The following KIF24 variants were observed in gnomAD, a reference collection of about 807,000 sequenced individuals.
The protein encoded by KIF24 is kinesin family member 24, also known as kinesin-like protein KIF24.
In KIF24, 81 loss-of-function variants were observed where a neutral mutation model predicts 118.9. The observed-to-expected ratio is 0.68, with a 90% CI of 0.57 to 0.82. The LOEUF (loss-of-function observed/expected upper bound fraction) is 0.82. Ranked by LOEUF, KIF24 falls within the 40% of genes least tolerant of loss-of-function variation. KIF24 has a pLI of 0.00. For missense variants in KIF24, 1,560 were observed against 1,661.6 expected, an observed-to-expected ratio of 0.94 and a Z score of 1.06; for synonymous variants, 599 against 610.0, an observed-to-expected ratio of 0.98 and a Z score of 0.27.
chr9:34,317,003 TCAGGAGTTCAAGAC>T (rs1837350305), intron 1 of KIF24, among the ~76,000 whole-genome samples: 1 of 151,702 alleles, frequency 6.6e-6, no homozygotes. Flanking sequence ...TCATCTGAGG[TCAGGAGTTCAAGAC>T]CAGCCTGGCC....
chr9:34,254,846 G>A lies in KIF24; in HGVS notation c.3966+226C>T, dbSNP rs536618633. 5.9e-5 allele frequency among the ~76,000 whole-genome samples: 9 copies of A among 152,272 alleles called. No individual in the cohort carries two copies. The South Asian group carries it at 1.9e-3, about 32-fold the overall frequency. The stretch of plus-strand genomic sequence containing the variant: ...GGCAGAGCAGCTGAGGATAGAGGCT[G>A]GAAACATTTTAGCCTGGAAAAGGCG... On this transcript the variant is annotated intron_variant, in intron 12 of 12. Transcript: ENST00000402558.
intron 8 of KIF24, among the ~76,000 whole-genome samples, chr9:34,265,307 T>C (rs1390282469): frequency 6.6e-6 from 1 of 152,106 alleles, no homozygotes; most frequent in Non-Finnish European, 1.5e-5. Context: ...TAGCTTGGGT[T>C]ACAGGTGCGC....
intron 1 of KIF24, chr9:34,319,115 C>A: frequency 7.0e-7 from 1 of 1,428,668 alleles, no homozygotes; most frequent in Admixed American, 1.7e-5. Flanking sequence ...CATGGTGATG[C>A]ACCAGACAGG....
rs553493999 is a variant in KIF24, at chr9:34,318,524, G to A, written c.-25-7153C>T. On this transcript the variant is annotated intron_variant, in intron 1 of 12. Coordinates refer to ENST00000402558, the MANE Select transcript of KIF24 (RefSeq NM_194313.4). The surrounding 1 kb of genome is among the most constrained non-coding windows in gnomAD (Gnocchi z 4.9). ...CGCAGAGAAGCTGAGCCCCAAGGCA[G>A]CCACGCTGGCCGAACACAGCGCCGG... 2.1e-6 allele frequency: 2 copies of A among 954,532 alleles called. No homozygotes were observed. The highest frequency in any genetic ancestry group is 5.0e-5 in the East Asian group (2 of 40,090). 59.1% of individuals were successfully genotyped at this position (954,532 alleles called of 1,614,324 possible).
intron 3 of KIF24, among the ~76,000 whole-genome samples, chr9:34,301,436 G>A (rs1344401120): frequency 6.6e-6 from 1 of 152,116 alleles, no homozygotes; most frequent in South Asian, 2.1e-4. Context: ...TTTTAGTAGA[G>A]ATGGGGTTTC....
At chr9:34,260,653 G>A (rs1835018292) in intron 9 of KIF24, among the ~76,000 whole-genome samples, 1 of 152,136 alleles carries the variant, frequency 6.6e-6, no homozygotes, top group African/African-American at 2.4e-5. Flanking sequence ...CACATTTTCT[G>A]GAAATGGGGA....
In KIF24 at chr9:34,257,573, T is replaced by C. The variant is rs1482379675; in HGVS notation, c.2034A>G (p.Lys678=). 4 of 1,614,078 alleles carry C rather than the reference T, an allele frequency of 2.5e-6. No homozygotes were observed. The Admixed American group carries it at 5.0e-5, about 20-fold the overall frequency. Reference sequence around the variant, plus strand: ...CCCTGCTTTCCCACCCAAGGACAGTTTTGTTGCCCATTCGATTTTTCTCAG... The same window carrying C: ...CCCTGCTTTCCCACCCAAGGACAGTCTTGTTGCCCATTCGATTTTTCTCAG... ...LCSEKNRMGN[K]TVLGWESRAS... The change falls in exon 11 of 13, where the codon AAA becomes AAG. Residue 678 remains lysine (K), a synonymous_variant. Coordinates refer to ENST00000402558, the MANE Select transcript of KIF24 (RefSeq NM_194313.4).
rs199561692 is a variant in KIF24, at chr9:34,256,912, T to C, written c.2695A>G (p.Ile899Val). 106 of 1,613,896 alleles carry C rather than the reference T, an allele frequency of 6.6e-5. No homozygotes were observed. The highest frequency in any genetic ancestry group is 1.6e-4 in the Middle Eastern group (1 of 6,080). Residue 899 changes from isoleucine (I) to valine (V), a missense_variant, in exon 11 of 13, where the codon ATA becomes GTA. Physicochemically the swap from Ile to Val is conservative, Grantham distance 29. Transcript: ENST00000402558. ...TCGAGTGCTGCTCTTCTGTGGTTTA[T>C]GGGGTCCCTGGAGTCCACCCAGCTT... ...TKSWVDSRDPINHRRAALDHS... is the reference protein window; with the variant it reads ...TKSWVDSRDPVNHRRAALDHS...
chr9:34,306,264 TTGAG>T lies in KIF24; in HGVS notation c.797_800del (p.Thr266AsnfsTer25). The T allele has an allele frequency of 1.3e-6, 2 of 1,596,812 alleles. No homozygotes were observed. The highest frequency in any genetic ancestry group is 1.7e-6 in the Non-Finnish European group (2 of 1,170,820). ...GAAAACATCATACCTGCAGAATATA[TTGAG>T]TGAGGTCAACTGCTTCTTTCTTCTC... On this transcript the variant is annotated frameshift_variant, in exon 3 of 13. Transcript: ENST00000402558. LOFTEE classifies it high-confidence loss of function.
At chr9:34,267,225 G>A (rs980103882) in intron 8 of KIF24, among the ~76,000 whole-genome samples, 2 of 151,892 alleles carry the variant, frequency 1.3e-5, no homozygotes, top group East Asian at 1.9e-4. Flanking sequence ...GGTTAAAAAC[G>A]GCTGAATGGC....
At position 34,262,675 on chromosome 9, in the gene KIF24, AATATATATATATATATAT is replaced by A. The variant is rs1428160924; in HGVS notation, c.1515+408_1515+425del. On this transcript the variant is annotated intron_variant, in intron 9 of 12. Transcript: ENST00000402558. ...AAAAAAAAAAAAAAAAAAAAAAAAAAATATATATATATATATATATATATATATATATATATATGGCCA... is the reference window on the plus strand; with the variant it reads ...AAAAAAAAAAAAAAAAAAAAAAAAAAATATATATATATATATATATGGCCA... 6.9e-3 allele frequency among the ~76,000 whole-genome samples: 186 copies of A among 27,058 alleles called. 4 individuals carry two copies. Among genetic ancestry groups the A allele is most frequent in the African/African-American group, 0.014 (76 of 5,432 alleles). The allele number at this position is 27,058 out of a possible 152,430, so 17.8% of individuals were successfully genotyped here.
At chr9:34,320,612 T>C (rs1287836407) in intron 1 of KIF24, among the ~76,000 whole-genome samples, 3 of 120,578 alleles carry the variant, frequency 2.5e-5, no homozygotes, top group African/African-American at 3.2e-5. Context: ...GAGCCAAGAT[T>C]GCACCACTGC....
At chr9:34,315,021 G>A (rs1223453148) in intron 1 of KIF24, among the ~76,000 whole-genome samples, 1 of 152,132 alleles carries the variant, frequency 6.6e-6, no homozygotes, top group African/African-American at 2.4e-5. Flanking sequence ...GTCTTGAGGA[G>A]GTGAGGGGAA....
intron 3 of KIF24, among the ~76,000 whole-genome samples, chr9:34,299,807 TGTGTGTGTGTGTGTGC>T (rs1836627156): frequency 1.3e-5 from 1 of 76,994 alleles, no homozygotes; most frequent in Non-Finnish European, 3.4e-5. Context: ...TACCAAGATG[TGTGTGTGTGTGTGTGC>T]GTGTGTGTGT....
chr9:34,297,558 C>A (rs574702856), intron 3 of KIF24, among the ~76,000 whole-genome samples: 7 of 152,032 alleles, frequency 4.6e-5, no homozygotes, highest in Non-Finnish European at 8.8e-5. Context: ...GTCAGGAGAT[C>A]GAGACCATCC....
chr9:34,300,571 T>C (rs1836660765), intron 3 of KIF24, among the ~76,000 whole-genome samples: 1 of 152,114 alleles, frequency 6.6e-6, no homozygotes, highest in African/African-American at 2.4e-5. Flanking sequence ...GGTTTCACCA[T>C]GTTGGCCAGG....
intron 3 of KIF24, among the ~76,000 whole-genome samples, chr9:34,298,320 T>G (rs1054492696): frequency 6.6e-6 from 1 of 151,878 alleles, no homozygotes; most frequent in East Asian, 1.9e-4. Flanking sequence ...CCGAGGCAGG[T>G]GGATCACCTG....
At chr9:34,294,973 T>C (rs1314478813) in intron 4 of KIF24, among the ~76,000 whole-genome samples, 1 of 152,222 alleles carries the variant, frequency 6.6e-6, no homozygotes, top group African/African-American at 2.4e-5. Context: ...CAAATGTGAA[T>C]ACTTAAGATC....
Position 34,306,081 on chromosome 9 carries a change from A to G in KIF24, c.813+171T>C, listed in dbSNP as rs146615256. Among the ~76,000 whole-genome samples the G allele has an allele frequency of 3.9e-5, 6 of 152,290 alleles. No homozygotes were observed. In the East Asian group the frequency reaches 9.6e-4, roughly 24 times the overall value. On this transcript the variant is annotated intron_variant, in intron 3 of 12. Transcript: ENST00000402558. ...TCTTTTGAAAAAATGAAGGCCCTGG[A>G]TATCAATGACTTAATACAGTGTCAC...
Sources: gnomAD v4.1 joint callset for allele counts (sites outside exome capture counted in the v4.1 genomes callset) on GRCh38, gnomAD v4.1.1 for gene constraint, Gnocchi (gnomAD v3.1) non-coding constraint, MANE v1.5 for transcripts, NCBI Gene and HGNC (gene_info 2026-07-23, HGNC 2026-07-21) for gene names.